The following NBEA variants were observed in gnomAD, a reference collection of about 807,000 sequenced individuals.
NBEA encodes neurobeachin, also known as lysosomal-trafficking regulator 2.
Under a neutral mutation model 343.4 loss-of-function variants are expected in NBEA, and 44 were observed. The observed-to-expected ratio is 0.13, with a 90% CI of 0.10 to 0.16. The LOEUF (loss-of-function observed/expected upper bound fraction) is 0.16. NBEA is among the 10% of genes least tolerant of loss of function. NBEA has a pLI of 1.00. For missense variants in NBEA, 2,555 were observed against 3,631.3 expected, an observed-to-expected ratio of 0.70 and a Z score of 7.62; for synonymous variants, 1,175 against 1,238.7, an observed-to-expected ratio of 0.95 and a Z score of 1.08.
At chr13:35,301,946 T>C (rs2036579545) in intron 35 of NBEA, among the ~76,000 whole-genome samples, 1 of 152,208 alleles carries the variant, frequency 6.6e-6, no homozygotes. Context: ...AGAAAATAGC[T>C]GATACAAACT....
chr13:35,625,347 T>G (rs1457076500), intron 48 of NBEA, among the ~76,000 whole-genome samples: 1 of 152,214 alleles, frequency 6.6e-6, no homozygotes, highest in Admixed American at 6.5e-5. Context: ...CCAGGTGCAG[T>G]TGCTCACATT....
intron 1 of NBEA, among the ~76,000 whole-genome samples, chr13:35,005,266 C>T (rs1053347016): frequency 6.6e-6 from 1 of 150,420 alleles, no homozygotes; most frequent in Non-Finnish European, 1.5e-5. Flanking sequence ...CCCTCTGAGG[C>T]AAAGGTTGGA....
intron 10 of NBEA, among the ~76,000 whole-genome samples, chr13:35,081,218 A>G (rs1014576613): frequency 6.6e-6 from 1 of 152,132 alleles, no homozygotes; most frequent in Non-Finnish European, 1.5e-5. Context: ...GGTTATGAGC[A>G]TCTGCCTATT....
intron 34 of NBEA, among the ~76,000 whole-genome samples, chr13:35,238,243 T>G (rs1193258776): frequency 1.3e-5 from 2 of 152,206 alleles, no homozygotes; most frequent in African/African-American, 4.8e-5. Flanking sequence ...TCAGAGTAAC[T>G]TAGTTATGAT....
chr13:35,236,744 C>T (rs1261178690), intron 34 of NBEA, among the ~76,000 whole-genome samples: 1 of 151,538 alleles, frequency 6.6e-6, no homozygotes, highest in Non-Finnish European at 1.5e-5. Flanking sequence ...CCATGAGCCA[C>T]CCCGCCCGGC....
intron 1 of NBEA, among the ~76,000 whole-genome samples, chr13:35,019,131 A>C (rs558729775): frequency 6.6e-6 from 1 of 151,030 alleles, no homozygotes. Context: ...TTGTTTTTTA[A>C]TATGTTGCTG....
intron 41 of NBEA, among the ~76,000 whole-genome samples, chr13:35,519,509 C>G (rs1297160940): frequency 6.6e-6 from 1 of 152,016 alleles, no homozygotes; most frequent in African/African-American, 2.4e-5. Context: ...TTCAGATTTT[C>G]TAGGCATTCA....
intron 45 of NBEA, among the ~76,000 whole-genome samples, chr13:35,579,383 T>G (rs188481592): frequency 9.9e-5 from 15 of 152,152 alleles, no homozygotes; most frequent in Non-Finnish European, 1.8e-4. Context: ...TTTATTTATA[T>G]AATTTTTGTG....
intron 45 of NBEA, among the ~76,000 whole-genome samples, chr13:35,569,628 A>G (rs1409466947): frequency 6.6e-6 from 1 of 152,218 alleles, no homozygotes; most frequent in East Asian, 1.9e-4. Flanking sequence ...TCTACAAGTG[A>G]AAGAGTGTAC....
At chr13:35,115,623 TTTTA>T (rs1380425119) in intron 13 of NBEA, among the ~76,000 whole-genome samples, 30 of 152,190 alleles carry the variant, frequency 2.0e-4, no homozygotes, top group Admixed American at 1.5e-3. Context: ...CTTCATTCAA[TTTTA>T]TATTAGATAA....
At chr13:35,177,747 G>A (rs758293863) in intron 28 of NBEA, among the ~76,000 whole-genome samples, 2 of 151,462 alleles carry the variant, frequency 1.3e-5, no homozygotes, top group Non-Finnish European at 1.5e-5. Flanking sequence ...TCTTAACATG[G>A]TTATTATAAA....
At chr13:35,559,384 G>A (rs1291285513) in intron 44 of NBEA, among the ~76,000 whole-genome samples, 1 of 152,074 alleles carries the variant, frequency 6.6e-6, no homozygotes, top group Non-Finnish European at 1.5e-5. Flanking sequence ...CACTGTTTTA[G>A]GGATACGGTT....
At chr13:35,236,775 A>C (rs2075259108) in intron 34 of NBEA, among the ~76,000 whole-genome samples, 1 of 150,688 alleles carries the variant, frequency 6.6e-6, no homozygotes, top group Admixed American at 6.6e-5. Flanking sequence ...TTTTTTTTTA[A>C]ATCTCCCCAA....
In NBEA at chr13:34,984,309, C is replaced by A. The variant is rs543812309; in HGVS notation, c.294+41195C>A. On this transcript the variant is annotated intron_variant, in intron 1 of 58. Coordinates refer to ENST00000379939, the MANE Select transcript of NBEA (RefSeq NM_001385012.1). ...TTGTTTATTAAATAGGGAATCCTTT[C>A]CCCATTGCTTGTTTTTGACAACTTT... 6.6e-5 allele frequency among the ~76,000 whole-genome samples: 10 copies of A among 152,232 alleles called. No individual in the cohort carries two copies. In the South Asian group the frequency reaches 1.9e-3, roughly 28 times the overall value.
chr13:34,946,622 A>G (rs1045318151), intron 1 of NBEA, among the ~76,000 whole-genome samples: 4 of 151,360 alleles, frequency 2.6e-5, no homozygotes, highest in African/African-American at 7.3e-5. Flanking sequence ...AAATTTTTTC[A>G]TGGATTTGTA....
At chr13:35,663,781 G>A (rs1257769083) in intron 55 of NBEA, among the ~76,000 whole-genome samples, 1 of 152,026 alleles carries the variant, frequency 6.6e-6, no homozygotes, top group African/African-American at 2.4e-5. Context: ...ATTATAAATG[G>A]ACACTCTACC....
At chr13:35,583,176 G>A (rs1292648336) in intron 45 of NBEA, among the ~76,000 whole-genome samples, 3 of 152,136 alleles carry the variant, frequency 2.0e-5, no homozygotes, top group Non-Finnish European at 2.9e-5. Context: ...CTAATGATTA[G>A]ATGTGCTAAA....
chr13:34,977,429 G>C lies in NBEA; in HGVS notation c.294+34315G>C, dbSNP rs187213963. Among the ~76,000 whole-genome samples the C allele has an allele frequency of 1.2e-4, 18 of 151,548 alleles. No individual in the cohort carries two copies. The East Asian group carries it at 3.1e-3, about 26-fold the overall frequency. On this transcript the variant is annotated intron_variant, in intron 1 of 58. Coordinates refer to ENST00000379939, the MANE Select transcript of NBEA (RefSeq NM_001385012.1). ...ATTCAAGCGATTCTTCTGCCTCAGC[G>C]TCTTGAGTAGCTGGGACTACAGTCA...
chr13:35,409,587 T>G (rs1189422373), intron 38 of NBEA, among the ~76,000 whole-genome samples: 1 of 152,188 alleles, frequency 6.6e-6, no homozygotes, highest in Non-Finnish European at 1.5e-5. Flanking sequence ...TGCCTAGATG[T>G]TTTATTTTTC....
Sources: gnomAD v4.1 joint callset for allele counts (sites outside exome capture counted in the v4.1 genomes callset) on GRCh38, gnomAD v4.1.1 for gene constraint, MANE v1.5 for transcripts, NCBI Gene and HGNC (gene_info 2026-07-23, HGNC 2026-07-21) for gene names.